NEDD9: variants seen among roughly 807,000 people sequenced by gnomAD.
The protein encoded by NEDD9 is enhancer of filamentation 1.
A neutral mutation model predicts 76.6 loss-of-function variants in NEDD9; 26 were observed. That is an observed-to-expected ratio of 0.34 (90% CI 0.25 to 0.47). NEDD9 has a LOEUF of 0.47. Among genes scored for constraint, NEDD9 ranks in the 20% least tolerant of loss-of-function variants. The pLI is 1.00. For synonymous variants in NEDD9, 392 were observed against 414.2 expected (o/e 0.95, Z 0.65); for missense variants, 937 against 1,058.5 (o/e 0.89, Z 1.59).
intron 3 of NEDD9, among the ~76,000 whole-genome samples, chr6:11,239,906 T>C (rs1214948846): frequency 6.6e-6 from 1 of 152,008 alleles, no homozygotes; most frequent in African/African-American, 2.4e-5. Context: ...TAGCTGGGCA[T>C]GGTGGTGCAC....
chr6:11,375,642 C>T (rs1305348405), intron 1 of NEDD9, among the ~76,000 whole-genome samples: 1 of 152,100 alleles, frequency 6.6e-6, no homozygotes, highest in Non-Finnish European at 1.5e-5. Context: ...CACCCAAGAT[C>T]TGGTTGTTTA....
At chr6:11,380,659 A>G (rs1226347262) in intron 1 of NEDD9, among the ~76,000 whole-genome samples, 3 of 152,168 alleles carry the variant, frequency 2.0e-5, no homozygotes, top group African/African-American at 7.2e-5. Flanking sequence ...TTGCTATTCA[A>G]TCTAATCCTT....
chr6:11,307,080 GT>G (rs1365570685), intron 2 of NEDD9, among the ~76,000 whole-genome samples: 1 of 152,194 alleles, frequency 6.6e-6, no homozygotes, highest in Non-Finnish European at 1.5e-5. Context: ...AAAGGACAGT[GT>G]TTTCCTATCA....
chr6:11,214,115 A>G (rs1758872941), intron 1 of NEDD9: 2 of 479,758 alleles, frequency 4.2e-6, no homozygotes, highest in Non-Finnish European at 8.1e-6. Context: ...ATGTTCGACA[A>G]TGAACATTTC....
At chr6:11,356,112 T>C (rs1030399894) in intron 1 of NEDD9, among the ~76,000 whole-genome samples, 2 of 152,162 alleles carry the variant, frequency 1.3e-5, no homozygotes, top group Non-Finnish European at 1.5e-5. Flanking sequence ...GCAGTTGGAG[T>C]TTCTCTTGTA....
intron 5 of NEDD9, 67 bp downstream of exon 5, chr6:11,189,897 T>TA: frequency 1.3e-6 from 2 of 1,487,024 alleles, no homozygotes; most frequent in Non-Finnish European, 1.8e-6. Context: ...GACATCCTTA[T>TA]AGGCATCTTT....
intron 2 of NEDD9, chr6:11,200,788 G>C (rs1409291264): frequency 7.0e-7 from 1 of 1,430,972 alleles, no homozygotes; most frequent in East Asian, 2.5e-5. Context: ...GTTTTCTGCT[G>C]TTCGTATCAG....
At chr6:11,337,272 C>T (rs1424638659) in intron 1 of NEDD9, among the ~76,000 whole-genome samples, 1 of 152,170 alleles carries the variant, frequency 6.6e-6, no homozygotes, top group Non-Finnish European at 1.5e-5. Context: ...TCCTGAAGGA[C>T]TTGCCTGAGA....
At chr6:11,297,110 G>T (rs1760916632) in intron 3 of NEDD9, among the ~76,000 whole-genome samples, 1 of 150,010 alleles carries the variant, frequency 6.7e-6, no homozygotes. Flanking sequence ...AGGTGAAAAA[G>T]CTTTGCAGTT....
At chr6:11,331,819 T>C (rs1022663508) in intron 2 of NEDD9, among the ~76,000 whole-genome samples, 1 of 152,236 alleles carries the variant, frequency 6.6e-6, no homozygotes, top group Middle Eastern at 3.2e-3. Flanking sequence ...TTTTACGGGT[T>C]GGTGCTGAAA....
intron 2 of NEDD9, among the ~76,000 whole-genome samples, chr6:11,319,671 C>T: frequency 7.0e-6 from 1 of 141,912 alleles, no homozygotes; most frequent in African/African-American, 2.7e-5. Flanking sequence ...CTAACATGCA[C>T]ACATACACAA....
At chr6:11,218,192 C>A (rs1435370714) in intron 1 of NEDD9, among the ~76,000 whole-genome samples, 1 of 152,162 alleles carries the variant, frequency 6.6e-6, no homozygotes, top group Non-Finnish European at 1.5e-5. Context: ...AGTGCAAACA[C>A]CTTTTTCTCC....
intron 1 of NEDD9, among the ~76,000 whole-genome samples, chr6:11,222,520 A>C (rs1759171693): frequency 6.6e-6 from 1 of 152,164 alleles, no homozygotes; most frequent in South Asian, 2.1e-4. Flanking sequence ...GGAACAAAAA[A>C]CCTTCATTGT....
chr6:11,199,097 T>A (rs894869235), intron 2 of NEDD9: 3 of 152,208 alleles, frequency 2.0e-5, no homozygotes, highest in African/African-American at 7.2e-5. Flanking sequence ...CAGAAACATG[T>A]GGGGGAGTGT....
At chr6:11,218,137 A>T (rs1241305117) in intron 1 of NEDD9, among the ~76,000 whole-genome samples, 2 of 152,220 alleles carry the variant, frequency 1.3e-5, no homozygotes, top group African/African-American at 4.8e-5. Flanking sequence ...TCTGCATTCC[A>T]GTCCCTTATA....
chr6:11,266,691 AGTT>A (rs1368766304), intron 3 of NEDD9, among the ~76,000 whole-genome samples: 1 of 152,192 alleles, frequency 6.6e-6, no homozygotes, highest in Non-Finnish European at 1.5e-5. Context: ...AGGAATGGGA[AGTT>A]GTAACCAGTG....
At chr6:11,235,699 C>T (rs950340785), upstream of NEDD9, among the ~76,000 whole-genome samples, 1 of 152,158 alleles carries the variant, frequency 6.6e-6, no homozygotes, top group African/African-American at 2.4e-5. This position sits in a 1 kb window ranked among gnomAD's most constrained non-coding sequence, Gnocchi z 4.1. Context: ...AGGGATCCAG[C>T]CACTCAGAGA....
At chr6:11,232,322 G>A (rs1759496021) in intron 1 of NEDD9, among the ~76,000 whole-genome samples, 182 bp downstream of exon 1, 1 of 151,788 alleles carries the variant, frequency 6.6e-6, no homozygotes, top group Non-Finnish European at 1.5e-5. Flanking sequence ...CCCTGGAGTG[G>A]GTCTCAAAGA....
intron 1 of NEDD9, among the ~76,000 whole-genome samples, chr6:11,225,799 CCT>C (rs1491253236): frequency 8.4e-6 from 1 of 119,660 alleles, no homozygotes; most frequent in Non-Finnish European, 1.8e-5. Context: ...CCGCGCCCGG[CCT>C]TTTTTTTTTT....
Sources: gnomAD v4.1 joint callset for allele counts (sites outside exome capture counted in the v4.1 genomes callset) on GRCh38, gnomAD v4.1.1 for gene constraint, Gnocchi (gnomAD v3.1) non-coding constraint, MANE v1.5 for transcripts, NCBI Gene and HGNC (gene_info 2026-07-23, HGNC 2026-07-21) for gene names.